MALRD1: variants seen among roughly 807,000 people sequenced by gnomAD.
MALRD1 encodes MAM and LDL receptor class A domain containing 1, also known as MAM and LDL-receptor class A domain-containing protein 1.
In MALRD1, 247 loss-of-function variants were observed where a neutral mutation model predicts 242.1. The observed-to-expected ratio is 1.02, with a 90% CI of 0.92 to 1.13. The LOEUF (loss-of-function observed/expected upper bound fraction) is 1.13, where lower values mean the gene tolerates loss of function less well. Among genes scored for constraint, MALRD1 ranks in the 50% most tolerant of loss-of-function variants. The pLI, the probability that MALRD1 is intolerant of heterozygous loss-of-function variation, is 0.00. For synonymous variants in MALRD1, 995 were observed against 866.6 expected, an observed-to-expected ratio of 1.15 and a Z score of -2.60; for missense variants, 2,989 against 2,533.1, an observed-to-expected ratio of 1.18 and a Z score of -3.86.
intron 26 of MALRD1, among the ~76,000 whole-genome samples, chr10:19,371,549 A>G (rs1233430939): frequency 6.6e-6 from 1 of 151,958 alleles, no homozygotes; most frequent in Non-Finnish European, 1.5e-5. Flanking sequence ...ACACTAACCA[A>G]TTTTCAAATC....
chr10:19,662,692 G>C (rs1270397710), intron 36 of MALRD1, among the ~76,000 whole-genome samples: 1 of 152,104 alleles, frequency 6.6e-6, no homozygotes, highest in Non-Finnish European at 1.5e-5. Flanking sequence ...GCACCATTTT[G>C]TGCATTTCTG....
chr10:19,465,706 G>C (rs1240667682), intron 29 of MALRD1, among the ~76,000 whole-genome samples: 1 of 152,078 alleles, frequency 6.6e-6, no homozygotes, highest in Admixed American at 6.6e-5. Context: ...CTAATTTTTT[G>C]TATTTTTAAT....
intron 10 of MALRD1, among the ~76,000 whole-genome samples, chr10:19,141,805 G>T (rs1056449217): frequency 1.4e-4 from 21 of 152,048 alleles, no homozygotes; most frequent in Non-Finnish European, 2.8e-4. Context: ...TCAAATGAAA[G>T]AAATTTAAAC....
chr10:19,168,311 A>G (rs746626212), intron 13 of MALRD1, among the ~76,000 whole-genome samples: 6 of 152,226 alleles, frequency 3.9e-5, no homozygotes, highest in Non-Finnish European at 4.4e-5. Context: ...CAATGAAATC[A>G]GAACAATTTG....
At chr10:19,292,407 A>G (rs1287505894) in intron 21 of MALRD1, among the ~76,000 whole-genome samples, 1 of 152,188 alleles carries the variant, frequency 6.6e-6, no homozygotes, top group Non-Finnish European at 1.5e-5. Context: ...ACTTGCTTAC[A>G]GGTGGTTGAG....
At chr10:19,589,819 G>C (rs192048251) in intron 33 of MALRD1, among the ~76,000 whole-genome samples, 1 of 152,056 alleles carries the variant, frequency 6.6e-6, no homozygotes, top group Non-Finnish European at 1.5e-5. Context: ...GGGTATATGC[G>C]AATGACACTA....
At chr10:19,178,677 C>T (rs1419040742) in intron 14 of MALRD1, among the ~76,000 whole-genome samples, 2 of 152,106 alleles carry the variant, frequency 1.3e-5, no homozygotes, top group Admixed American at 1.3e-4. Flanking sequence ...ATTTTGCATT[C>T]TGTTTATTTG....
upstream of MALRD1, chr10:19,048,708 C>T (rs957173663): frequency 3.0e-6 from 1 of 338,916 alleles, no homozygotes. Flanking sequence ...CTATAGTTAG[C>T]TAGATAAAGA....
At chr10:19,537,227 T>C (rs973560022) in intron 32 of MALRD1, among the ~76,000 whole-genome samples, 4 of 152,230 alleles carry the variant, frequency 2.6e-5, no homozygotes, top group Admixed American at 6.5e-5. Context: ...ATTAAAAATA[T>C]GTAAAAGGGC....
chr10:19,701,313 C>G (rs552234731), intron 38 of MALRD1, among the ~76,000 whole-genome samples: 1 of 152,180 alleles, frequency 6.6e-6, no homozygotes, highest in Non-Finnish European at 1.5e-5. Context: ...TCCTCAGATC[C>G]TTACTCTCAG....
rs538737988 is a variant in MALRD1 at position 19,587,774 on chromosome 10, C to T, written c.5681-7420C>T. On this transcript the variant is annotated intron_variant, in intron 33 of 39. Coordinates refer to ENST00000454679, the MANE Select transcript of MALRD1 (RefSeq NM_001142308.3). ...GAGATGTCTTGGTTACTGGGAATGT[C>T]GAAGTTCCTAAATGCCAGGAATTGG... Among the ~76,000 whole-genome samples, 19 of 151,798 alleles carry T rather than the reference C, an allele frequency of 1.3e-4. No individual in the cohort carries two copies. The South Asian group carries it at 3.8e-3, about 30-fold the overall frequency.
At chr10:19,561,225 G>C (rs1181214974) in intron 32 of MALRD1, among the ~76,000 whole-genome samples, 1 of 152,092 alleles carries the variant, frequency 6.6e-6, no homozygotes, top group African/African-American at 2.4e-5. Context: ...ATTTGCTACA[G>C]TTTGTTTAAT....
intron 28 of MALRD1, among the ~76,000 whole-genome samples, chr10:19,413,846 G>A (rs531092042): frequency 1.3e-5 from 2 of 151,758 alleles, no homozygotes; most frequent in Non-Finnish European, 2.9e-5. Flanking sequence ...AGCCACTTGG[G>A]GGGCTGAGGC....
Position 19,209,461 on chromosome 10 carries a change from C to T in MALRD1, c.2772C>T (p.Asp924=). The T allele has an allele frequency of 6.4e-7, 1 of 1,550,878 alleles. No individual in the cohort carries two copies. The highest frequency in any genetic ancestry group is 2.0e-5 in the Admixed American group (1 of 50,996). Reference sequence around the variant, plus strand: ...CTTCAGAGCCACAGGCTTTTCAAGACAGTGCTGCCTTACTCAGCCCAATCC... The same window carrying T: ...CTTCAGAGCCACAGGCTTTTCAAGATAGTGCTGCCTTACTCAGCCCAATCC... The part of the protein sequence containing the change: ...IESSEPQAFQ[D]SAALLSPILN... Residue 924 remains aspartate (D), a synonymous_variant, in exon 18 of 40, where the codon GAC becomes GAT. Transcript: ENST00000454679.
At chr10:19,095,640 A>T (rs914242033) in intron 4 of MALRD1, among the ~76,000 whole-genome samples, 6 of 152,094 alleles carry the variant, frequency 3.9e-5, no homozygotes, top group African/African-American at 1.4e-4. Flanking sequence ...TGGGGAGGGG[A>T]TACTATGTGT....
chr10:19,331,348 G>A (rs745499734), intron 23 of MALRD1, 21 bp from the exon 24 acceptor site: 4 of 1,541,292 alleles, frequency 2.6e-6, no homozygotes, highest in African/African-American at 2.7e-5. Flanking sequence ...CAGTTTAACT[G>A]TAACTGGCTT....
At position 19,408,319 on chromosome 10, in the gene MALRD1, A is replaced by G. The variant is rs1315999667; in HGVS notation, c.4845+18710A>G. On this transcript the variant is annotated intron_variant, in intron 28 of 39. Coordinates refer to ENST00000454679, the MANE Select transcript of MALRD1 (RefSeq NM_001142308.3). ...TGTAGGTTTCTCAATCTTCAGTTCT[A>G]TGGGCATCTGGCTTGTTGGAAAATT... Among the ~76,000 whole-genome samples, 5 of 152,128 alleles carry G rather than the reference A, an allele frequency of 3.3e-5. No homozygotes were observed. In the East Asian group the frequency reaches 9.7e-4, roughly 29 times the overall value.
intron 29 of MALRD1, among the ~76,000 whole-genome samples, chr10:19,475,798 A>G (rs996153294): frequency 1.8e-4 from 27 of 152,218 alleles, no homozygotes; most frequent in Non-Finnish European, 3.8e-4. Flanking sequence ...AATAATAGAC[A>G]AGAAAGGCTA....
intron 32 of MALRD1, among the ~76,000 whole-genome samples, chr10:19,535,823 CTTGAG>C (rs1834650035): frequency 6.6e-6 from 1 of 152,112 alleles, no homozygotes; most frequent in Non-Finnish European, 1.5e-5. Context: ...CACATGACCT[CTTGAG>C]TTAATAATAG....
Sources: allele counts gnomAD v4.1 joint callset (sites outside exome capture counted in the v4.1 genomes callset), GRCh38; gene constraint gnomAD v4.1.1; transcripts MANE v1.5; gene names NCBI Gene and HGNC (gene_info 2026-07-23, HGNC 2026-07-21).